The following FAM78B variants were observed in gnomAD, a reference collection of about 807,000 sequenced individuals.
The protein encoded by FAM78B is protein FAM78B.
Under a neutral mutation model 20.0 loss-of-function variants are expected in FAM78B, and 10 were observed. That is an observed-to-expected ratio of 0.50 (90% confidence interval 0.31 to 0.85). The LOEUF is 0.85. Ranked by LOEUF, FAM78B falls within the 40% of genes least tolerant of loss-of-function variation. FAM78B has a pLI of 0.05. For synonymous variants in FAM78B, 135 were observed against 132.8 expected (o/e 1.02, Z -0.12); for missense variants, 283 against 345.0 (o/e 0.82, Z 1.42).
chr1:166,107,538 C>G (rs1049353991), intron 1 of FAM78B, among the ~76,000 whole-genome samples: 1 of 152,048 alleles, frequency 6.6e-6, no homozygotes, highest in African/African-American at 2.4e-5. Flanking sequence ...CAGGACCAGA[C>G]AGATTAATAT....
At chr1:166,115,903 A>G (rs1308186068) in intron 1 of FAM78B, among the ~76,000 whole-genome samples, 1 of 152,208 alleles carries the variant, frequency 6.6e-6, no homozygotes, top group East Asian at 1.9e-4. Flanking sequence ...TGTTCTCTAA[A>G]CAGAAAACAA....
At chr1:166,062,070 TTCTATCAGTTTTCTCTAA>T in intron 2 of FAM78B, among the ~76,000 whole-genome samples, 1 of 152,358 alleles carries the variant, frequency 6.6e-6, no homozygotes, top group East Asian at 1.9e-4. Context: ...CACGTTTGGA[TTCTATCAGTTTTCTCTAA>T]GGCAAGGCAC....
chr1:166,130,592 A>G (rs935239369), intron 1 of FAM78B, among the ~76,000 whole-genome samples: 3 of 152,176 alleles, frequency 2.0e-5, no homozygotes, highest in Admixed American at 2.0e-4. Flanking sequence ...ACATCCTACA[A>G]TACAGAGGAC....
At chr1:166,060,862 T>C (rs1015916801) in intron 2 of FAM78B, among the ~76,000 whole-genome samples, 2 of 152,232 alleles carry the variant, frequency 1.3e-5, no homozygotes, top group Non-Finnish European at 2.9e-5. Flanking sequence ...AACTTTCATA[T>C]GGTTATTTTA....
At chr1:166,067,788 T>C (rs1187148423), downstream of FAM78B, among the ~76,000 whole-genome samples, 2 of 152,186 alleles carry the variant, frequency 1.3e-5, no homozygotes, top group African/African-American at 4.8e-5. Flanking sequence ...AATCACAATG[T>C]ATACAGTGCT....
At chr1:166,068,669 G>A (rs1372995458), downstream of FAM78B, among the ~76,000 whole-genome samples, 1 of 152,168 alleles carries the variant, frequency 6.6e-6, no homozygotes, top group Non-Finnish European at 1.5e-5. Flanking sequence ...TTGTAAAACT[G>A]CTCTGAACTT....
At chr1:166,120,521 T>A (rs903212686) in intron 1 of FAM78B, among the ~76,000 whole-genome samples, 1 of 152,138 alleles carries the variant, frequency 6.6e-6, no homozygotes, top group Non-Finnish European at 1.5e-5. Flanking sequence ...GAGCTGAAGA[T>A]CATTTGGAGA....
intron 1 of FAM78B, among the ~76,000 whole-genome samples, chr1:166,102,444 T>C (rs1186084899): frequency 6.6e-6 from 1 of 152,196 alleles, no homozygotes; most frequent in Admixed American, 6.5e-5. Context: ...CCCATCAGTG[T>C]GCTGTATTCA....
At chr1:166,155,970 C>G (rs574885237) in intron 1 of FAM78B, among the ~76,000 whole-genome samples, 1 of 152,336 alleles carries the variant, frequency 6.6e-6, no homozygotes, top group African/African-American at 2.4e-5. Context: ...CCTGCCGCCA[C>G]ACATGCCCCA....
chr1:166,066,332 A>G (rs1010516494), downstream of FAM78B, among the ~76,000 whole-genome samples: 2 of 152,244 alleles, frequency 1.3e-5, no homozygotes, highest in Admixed American at 6.5e-5. Context: ...GTTTCTTTGC[A>G]TAAGAAAGCA....
chr1:166,115,955 G>A (rs1354592738), intron 1 of FAM78B, among the ~76,000 whole-genome samples: 1 of 152,242 alleles, frequency 6.6e-6, no homozygotes, highest in African/African-American at 2.4e-5. Context: ...TAATGTTCTA[G>A]AGAGATGTAA....
chr1:166,130,030 C>G (rs1013601437), intron 1 of FAM78B, among the ~76,000 whole-genome samples: 1 of 152,210 alleles, frequency 6.6e-6, no homozygotes, highest in Non-Finnish European at 1.5e-5. Flanking sequence ...CAGGCTATAC[C>G]AGCCTATCTC....
chr1:166,065,941 G>A (rs1239566267), downstream of FAM78B, among the ~76,000 whole-genome samples: 1 of 152,206 alleles, frequency 6.6e-6, no homozygotes, highest in African/African-American at 2.4e-5. Flanking sequence ...CTGTATGTGT[G>A]TGTGTTTACA....
At chr1:166,109,455 T>A (rs917817706) in intron 1 of FAM78B, among the ~76,000 whole-genome samples, 1 of 151,894 alleles carries the variant, frequency 6.6e-6, no homozygotes, top group African/African-American at 2.4e-5. Flanking sequence ...AAAACCACAA[T>A]GTGGTATCAC....
chr1:166,060,587 G>A (rs761387945), exon 3 of FAM78B: 1 of 1,288,436 alleles, frequency 7.8e-7, no homozygotes, highest in South Asian at 1.2e-5. Context: ...GGAGCCGCCA[G>A]CCATTGCTCA....
chr1:166,109,832 G>GTATATATATATATA (rs1215891381), intron 1 of FAM78B, among the ~76,000 whole-genome samples: 1 of 28,272 alleles, frequency 3.5e-5, no homozygotes, highest in Non-Finnish European at 7.5e-5. Flanking sequence ...ATATATATAT[G>GTATATATATATATA]TATATATGTA....
chr1:166,160,314 C>G (rs759314190), intron 1 of FAM78B, among the ~76,000 whole-genome samples: 3 of 152,240 alleles, frequency 2.0e-5, no homozygotes, highest in Non-Finnish European at 4.4e-5. Flanking sequence ...TTCTCCTCCA[C>G]AAGTCCGGGA....
intron 1 of FAM78B, among the ~76,000 whole-genome samples, chr1:166,097,027 C>A (rs1046445333): frequency 1.3e-5 from 2 of 152,176 alleles, no homozygotes; most frequent in Non-Finnish European, 2.9e-5. Flanking sequence ...CAGGAGACCA[C>A]CCCCCAAAAC....
At chr1:166,157,766 A>G (rs1482743760) in intron 1 of FAM78B, among the ~76,000 whole-genome samples, 1 of 152,178 alleles carries the variant, frequency 6.6e-6, no homozygotes, top group Non-Finnish European at 1.5e-5. Context: ...AGTCTGGGTG[A>G]CTGTCTGCTG....
Sources: allele counts gnomAD v4.1 joint callset (sites outside exome capture counted in the v4.1 genomes callset), GRCh38; gene constraint gnomAD v4.1.1; transcripts MANE v1.5; gene names NCBI Gene and HGNC (gene_info 2026-07-23, HGNC 2026-07-21).